The following SMYD4 variants were observed in gnomAD, a reference collection of about 807,000 sequenced individuals.
SMYD4 encodes the protein SET and MYND domain containing 4, also known as protein-lysine N-methyltransferase SMYD4.
In SMYD4, 68 loss-of-function variants were observed where a neutral mutation model predicts 72.8. That is an observed-to-expected ratio of 0.93 (90% confidence interval 0.77 to 1.14). The LOEUF is 1.14. SMYD4 is among the 50% of genes most tolerant of loss of function. The pLI is 0.00. For synonymous variants in SMYD4, 407 were observed against 388.6 expected (o/e 1.05, Z -0.56); for missense variants, 984 against 1,003.7 (o/e 0.98, Z 0.27).
chr17:1,792,035 A>G (rs1909061585), intron 5 of SMYD4, among the ~76,000 whole-genome samples: 1 of 129,480 alleles, frequency 7.7e-6, no homozygotes. Context: ...ATCCTAACCT[A>G]AAATACATTT....
intron 4 of SMYD4, chr17:1,804,397 G>A (rs960617149): frequency 2.4e-6 from 1 of 408,806 alleles, no homozygotes; most frequent in African/African-American, 2.0e-5. Context: ...CGCTGGTCTT[G>A]AACTCTTGAC....
rs1908325961 is a variant in SMYD4 at position 1,780,863 on chromosome 17, C to A, written c.*423G>T. ...GGTCTGGATCTCCTGACCTCGTGAT[C>A]TGCCTGCCTCGGCCTCCCAAAGTGC... On this transcript the variant is annotated 3_prime_UTR_variant, in exon 11 of 11. Transcript: ENST00000305513. The A allele has an allele frequency of 6.4e-6, 1 of 155,688 alleles. No individual in the cohort carries two copies. Among genetic ancestry groups the A allele is most frequent in the Non-Finnish European group, 1.4e-5 (1 of 70,690 alleles). The allele number at this position is 155,688 out of a possible 1,614,324, so 9.6% of individuals were successfully genotyped here. A position where few individuals can be genotyped will look rare whatever the true frequency, so the allele number is the denominator to read the frequency against.
At chr17:1,814,441 T>C (rs1456449790) in intron 2 of SMYD4, 2 of 152,240 alleles carry the variant, frequency 1.3e-5, no homozygotes, top group Non-Finnish European at 2.9e-5. Context: ...TTGAATCTAT[T>C]AACATTTTAT....
At chr17:1,823,835 G>A (rs1212411632) in intron 2 of SMYD4, among the ~76,000 whole-genome samples, 2 of 152,144 alleles carry the variant, frequency 1.3e-5, no homozygotes, top group African/African-American at 4.8e-5. Context: ...ATCAGGGTGT[G>A]CCCAGGGCTG....
intron 10 of SMYD4, chr17:1,782,801 C>CTGT: frequency 3.5e-6 from 1 of 289,540 alleles, no homozygotes; most frequent in South Asian, 1.1e-4. Context: ...GAGTCTCGCT[C>CTGT]TGTCGCCCAG....
At chr17:1,825,926 C>G (rs1307153946) in intron 2 of SMYD4, among the ~76,000 whole-genome samples, 1 of 150,222 alleles carries the variant, frequency 6.7e-6, no homozygotes, top group Non-Finnish European at 1.5e-5. Context: ...CATACTGAGA[C>G]CTTGTGTCTA....
rs1183427647 is a variant in SMYD4, at chr17:1,787,519, G to A, written c.1623C>T (p.Ser541=). The change falls in exon 6 of 11, where the codon TCC becomes TCT. Residue 541 remains serine, a synonymous_variant. Transcript: ENST00000305513. ...AGGACACGCTGGTGTTGGGGCTACAGGAGTGGTTCAGGAGGCTGATAACAG... is the reference window on the plus strand; with the variant it reads ...AGGACACGCTGGTGTTGGGGCTACAAGAGTGGTTCAGGAGGCTGATAACAG... ...IFPVISLLNH[S]CSPNTSVSFI... is the part of the protein sequence containing the mutation. 6.3e-7 allele frequency: 1 copy of A among 1,590,392 alleles called. No individual in the cohort carries two copies.
chr17:1,803,089 C>T (rs932097073), intron 4 of SMYD4, among the ~76,000 whole-genome samples: 2 of 152,192 alleles, frequency 1.3e-5, no homozygotes, highest in Non-Finnish European at 2.9e-5. Context: ...TTGCAGTGAG[C>T]AGAGATCACG....
Position 1,781,297 on chromosome 17 carries a change from G to GGGTTCCA in SMYD4, c.2403_2404insTGGAACC (p.Pro802TrpfsTer24). Reference sequence around the variant, plus strand: ...ATCCTCCTGGAACCCTACAATGCAGGCCCTACAGGGGTGGGTGGTAAGTCC... The same window carrying GGGTTCCA: ...ATCCTCCTGGAACCCTACAATGCAGGGGTTCCACCCTACAGGGGTGGGTGGTAAGTCC... On this transcript the variant is annotated frameshift_variant, in exon 11 of 11. Coordinates refer to ENST00000305513, the MANE Select transcript of SMYD4 (RefSeq NM_052928.3). LOFTEE classifies it high-confidence loss of function. The GGGTTCCA allele has an allele frequency of 6.2e-7, 1 of 1,613,000 alleles. No individual in the cohort carries two copies.
At chr17:1,789,731 C>T (rs575096050) in intron 5 of SMYD4, among the ~76,000 whole-genome samples, 37 of 127,562 alleles carry the variant, frequency 2.9e-4, no homozygotes, top group East Asian at 1.9e-3. Flanking sequence ...CACCACTGCA[C>T]TCCAGCCTGG....
intron 5 of SMYD4, among the ~76,000 whole-genome samples, chr17:1,794,069 GTATATATATGTGTATATATATA>G (rs1426633596): frequency 1.5e-5 from 1 of 67,926 alleles, no homozygotes; most frequent in African/African-American, 7.3e-5. Context: ...ATATATATGT[GTATATATATGTGTATATATATA>G]TATATATATA....
chr17:1,827,414 T>C (rs570556580), intron 2 of SMYD4, among the ~76,000 whole-genome samples: 2 of 150,024 alleles, frequency 1.3e-5, no homozygotes, highest in East Asian at 3.9e-4. Context: ...GTTCACAATC[T>C]AGCGGCAAAG....
At chr17:1,804,402 C>T in intron 4 of SMYD4, 1 of 418,204 alleles carries the variant, frequency 2.4e-6, no homozygotes, top group Non-Finnish European at 4.5e-6. Context: ...GTCTTGAACT[C>T]TTGACCTCAG....
At chr17:1,802,241 A>G (rs1021820758) in intron 4 of SMYD4, among the ~76,000 whole-genome samples, 1 of 152,196 alleles carries the variant, frequency 6.6e-6, no homozygotes, top group Admixed American at 6.6e-5. Context: ...CTGTAATCCC[A>G]GCATTATGGG....
chr17:1,807,303 T>C (rs1567780446), intron 3 of SMYD4, among the ~76,000 whole-genome samples: 2 of 151,222 alleles, frequency 1.3e-5, no homozygotes, highest in Non-Finnish European at 2.9e-5. Context: ...TGGAACGCCA[T>C]GTAGCCATCA....
chr17:1,828,599 C>CTTT (rs374636473), intron 1 of SMYD4, among the ~76,000 whole-genome samples: 18 of 121,794 alleles, frequency 1.5e-4, no homozygotes, highest in African/African-American at 2.8e-4. Flanking sequence ...CTTAGATCCT[C>CTTT]TTTTTTTTTT....
chr17:1,828,433 A>C (rs946991452), intron 1 of SMYD4, among the ~76,000 whole-genome samples: 3 of 151,732 alleles, frequency 2.0e-5, no homozygotes, highest in Non-Finnish European at 4.4e-5. Flanking sequence ...CTTTTCCTCT[A>C]GTTTATATGC....
rs779909465 is a variant in SMYD4, at chr17:1,784,466, G to A, written c.1885-5C>T. On this transcript the variant is annotated splice_region_variant and splice_polypyrimidine_tract_variant and intron_variant, in intron 7 of 10. Transcript: ENST00000305513. ...ACAGCGCAGCACGTCATCTCCCTGTGGAAGTCAGTTTTCTCTTTATTCCAA... is the reference window on the plus strand; with the variant it reads ...ACAGCGCAGCACGTCATCTCCCTGTAGAAGTCAGTTTTCTCTTTATTCCAA... 1.1e-5 allele frequency: 18 copies of A among 1,613,896 alleles called. No homozygotes were observed. The highest frequency in any genetic ancestry group is 1.4e-5 in the Non-Finnish European group (16 of 1,180,014).
Position 1,779,510 on chromosome 17 carries a change from A to AAAACAAAACAAAACC in SMYD4, c.*1775_*1776insGGTTTTGTTTTGTTT, listed in dbSNP as rs138952947. 33 of 150,884 alleles carry AAAACAAAACAAAACC rather than the reference A, an allele frequency of 2.2e-4. No homozygotes were observed. Among genetic ancestry groups the AAAACAAAACAAAACC allele is most frequent in the African/African-American group, 7.5e-4 (30 of 40,072 alleles). 9.3% of individuals were successfully genotyped at this position (150,884 alleles called of 1,614,324 possible). On this transcript the variant is annotated 3_prime_UTR_variant, in exon 11 of 11. Transcript: ENST00000305513. ...AAAACAAAACAAAACAAAACAAAAC[A>AAAACAAAACAAAACC]AAACCAACAACTCAGAAGGAGGCAT...
Sources: allele counts gnomAD v4.1 joint callset (sites outside exome capture counted in the v4.1 genomes callset), GRCh38; gene constraint gnomAD v4.1.1; transcripts MANE v1.5; gene names NCBI Gene and HGNC (gene_info 2026-07-23, HGNC 2026-07-21).